PID1: variants seen among roughly 807,000 people sequenced by gnomAD.
PID1 encodes the protein PTB-containing, cubilin and LRP1-interacting protein.
In PID1, 10 loss-of-function variants were observed where a neutral mutation model predicts 19.1. The ratio of observed to expected loss-of-function variants is 0.52; its 90% CI spans 0.32 to 0.89. The LOEUF is 0.89. PID1 is among the 40% of genes least tolerant of loss of function. PID1 has a pLI of 0.03. For missense variants in PID1, 248 were observed against 285.3 expected (o/e 0.87, Z 0.94); for synonymous variants, 130 against 116.0 (o/e 1.12, Z -0.78).
intron 2 of PID1, among the ~76,000 whole-genome samples, chr2:229,047,630 C>T (rs541075020): frequency 6.6e-6 from 1 of 152,176 alleles, no homozygotes; most frequent in South Asian, 2.1e-4. Context: ...GTTTTATATG[C>T]CTAATGTATG....
chr2:229,026,567 T>C (rs1041478607), intron 2 of PID1, among the ~76,000 whole-genome samples: 1 of 152,206 alleles, frequency 6.6e-6, no homozygotes, highest in Non-Finnish European at 1.5e-5. Context: ...CTGGGTCTCT[T>C]TCCAAATCTC....
chr2:229,096,904 A>AAAATAAAC (rs1278532849), intron 2 of PID1, among the ~76,000 whole-genome samples: 1 of 152,212 alleles, frequency 6.6e-6, no homozygotes, highest in African/African-American at 2.4e-5. Flanking sequence ...TGTGTCATGA[A>AAAATAAAC]AAATAAACAA....
chr2:229,234,799 T>C (rs1692289229), intron 1 of PID1, among the ~76,000 whole-genome samples: 1 of 152,160 alleles, frequency 6.6e-6, no homozygotes, highest in African/African-American at 2.4e-5. Context: ...GAGTTTCTGA[T>C]AGCCACTGAC....
chr2:229,141,505 G>A (rs1051568199), intron 2 of PID1, among the ~76,000 whole-genome samples: 1 of 152,106 alleles, frequency 6.6e-6, no homozygotes, highest in Non-Finnish European at 1.5e-5. Context: ...ATAGGAAAGT[G>A]TTTCCATAAT....
chr2:229,032,980 C>T (rs181260102), intron 2 of PID1, among the ~76,000 whole-genome samples: 134 of 152,312 alleles, frequency 8.8e-4, no homozygotes, highest in African/African-American at 3.0e-3. Flanking sequence ...CCTTCCAACT[C>T]ATGAGTTTTC....
chr2:229,263,974 T>C (rs542916576), intron 1 of PID1, among the ~76,000 whole-genome samples: 4 of 152,300 alleles, frequency 2.6e-5, no homozygotes, highest in African/African-American at 9.6e-5. Context: ...TAGCTGACAT[T>C]TCTTGATTTT....
chr2:229,115,369 G>A (rs150218797), intron 2 of PID1, among the ~76,000 whole-genome samples: 1 of 137,458 alleles, frequency 7.3e-6, no homozygotes, highest in Non-Finnish European at 1.5e-5. Flanking sequence ...GTCAGACATG[G>A]TGGCATGCAC....
intron 1 of PID1, among the ~76,000 whole-genome samples, chr2:229,160,937 C>T (rs1258243572): frequency 6.6e-6 from 1 of 152,174 alleles, no homozygotes; most frequent in Non-Finnish European, 1.5e-5. Context: ...CCTGCTTCTG[C>T]TTTGGAACAC....
At chr2:229,159,502 T>C (rs979199445) in intron 1 of PID1, among the ~76,000 whole-genome samples, 1 of 152,188 alleles carries the variant, frequency 6.6e-6, no homozygotes, top group African/African-American at 2.4e-5. Context: ...AAAATATTCC[T>C]CCTATGGATG....
intron 1 of PID1, among the ~76,000 whole-genome samples, chr2:229,181,690 T>C (rs961831283): frequency 6.6e-6 from 1 of 152,362 alleles, no homozygotes; most frequent in South Asian, 2.1e-4. Flanking sequence ...TTCTGAACCA[T>C]TTAACTGCAA....
At chr2:229,107,746 C>T (rs1695207644) in intron 2 of PID1, among the ~76,000 whole-genome samples, 1 of 152,158 alleles carries the variant, frequency 6.6e-6, no homozygotes, top group Admixed American at 6.5e-5. Context: ...GAGACACCCT[C>T]AGCATACAAA....
intron 1 of PID1, among the ~76,000 whole-genome samples, chr2:229,235,701 T>G (rs1025175963): frequency 2.0e-5 from 3 of 152,152 alleles, no homozygotes; most frequent in Non-Finnish European, 4.4e-5. Context: ...TGCAGTGACA[T>G]TGTGGTCCTA....
intron 1 of PID1, among the ~76,000 whole-genome samples, chr2:229,156,995 C>G (rs1260850363): frequency 6.6e-6 from 1 of 152,136 alleles, no homozygotes; most frequent in African/African-American, 2.4e-5. Flanking sequence ...CCTTGAGGTC[C>G]CTGATCAAAT....
At chr2:229,147,391 G>T (rs1448343481) in intron 2 of PID1, among the ~76,000 whole-genome samples, 1 of 151,912 alleles carries the variant, frequency 6.6e-6, no homozygotes, top group Non-Finnish European at 1.5e-5. Flanking sequence ...TTTAGATAAT[G>T]CAAATAAGCA....
In PID1 at chr2:229,071,613, C is replaced by G. The variant is rs906189258; in HGVS notation, c.178-45505G>C. 5.9e-5 allele frequency among the ~76,000 whole-genome samples: 9 copies of G among 152,302 alleles called. No homozygotes were observed. In the East Asian group the frequency reaches 1.7e-3, roughly 29 times the overall value. ...TTTGTTTTATCATCTTTCTGCCACA[C>G]ATGGATTCATGCACGCTAAGTTCTA... On this transcript the variant is annotated intron_variant, in intron 2 of 2. Coordinates refer to ENST00000392055, the MANE Select transcript of PID1 (RefSeq NM_001100818.2).
At chr2:229,219,875 G>T (rs1361592688) in intron 1 of PID1, among the ~76,000 whole-genome samples, 2 of 151,836 alleles carry the variant, frequency 1.3e-5, no homozygotes, top group East Asian at 3.9e-4. Flanking sequence ...AGGAAATAAA[G>T]AGCAAGGAAG....
At position 229,240,233 on chromosome 2, in the gene PID1, G is replaced by A. The variant is rs140986545; in HGVS notation, c.30+30781C>T. Among the ~76,000 whole-genome samples the A allele has an allele frequency of 8.6e-5, 13 of 152,040 alleles. No homozygotes were observed. The South Asian group carries it at 1.0e-3, about 12-fold the overall frequency. Reference sequence around the variant, plus strand: ...AGAATAAATATCAAATTCCATTCCCGAAGCTTAGTATTTCCAGACGTGTTT... The same window carrying A: ...AGAATAAATATCAAATTCCATTCCCAAAGCTTAGTATTTCCAGACGTGTTT... On this transcript the variant is annotated intron_variant, in intron 1 of 2. Transcript: ENST00000392055.
chr2:229,109,194 G>C (rs1042549204), intron 2 of PID1, among the ~76,000 whole-genome samples: 1 of 152,110 alleles, frequency 6.6e-6, no homozygotes, highest in African/African-American at 2.4e-5. Flanking sequence ...TTGGTAATTT[G>C]GTAGCCGAAT....
rs532486718 is a variant in PID1 at position 229,237,492 on chromosome 2, G to C, written c.30+33522C>G. Among the ~76,000 whole-genome samples, 5 of 152,140 alleles carry C rather than the reference G, an allele frequency of 3.3e-5. No homozygotes were observed. In the South Asian group the frequency reaches 8.3e-4, roughly 25 times the overall value. On this transcript the variant is annotated intron_variant, in intron 1 of 2. Transcript: ENST00000392055. ...TTGATGGAAGAGATAGCAATTGTTT[G>C]CACAAAAATCACCTTGTACAACAGA...
Sources: gnomAD v4.1 joint callset for allele counts (sites outside exome capture counted in the v4.1 genomes callset) on GRCh38, gnomAD v4.1.1 for gene constraint, MANE v1.5 for transcripts, NCBI Gene and HGNC (gene_info 2026-07-23, HGNC 2026-07-21) for gene names.